The following SPOCK3 variants were observed in gnomAD, a reference collection of about 807,000 sequenced individuals.
SPOCK3 encodes the protein SPARC (osteonectin), cwcv and kazal like domains proteoglycan 3, also known as testican-3.
In SPOCK3, 30 loss-of-function variants were observed where a neutral mutation model predicts 56.6. The observed-to-expected ratio is 0.53, with a 90% CI of 0.40 to 0.72. SPOCK3 has a LOEUF of 0.72. SPOCK3 is among the 30% of genes least tolerant of loss of function. The pLI, the probability that SPOCK3 is intolerant of heterozygous loss-of-function variation, is 0.00. For missense variants in SPOCK3, 527 were observed against 530.0 expected, an observed-to-expected ratio of 0.99 and a Z score of 0.06; for synonymous variants, 196 against 183.3, an observed-to-expected ratio of 1.07 and a Z score of -0.56.
intron 2 of SPOCK3, among the ~76,000 whole-genome samples, chr4:167,162,608 C>G (rs1448307804): frequency 6.6e-6 from 1 of 152,038 alleles, no homozygotes; most frequent in Admixed American, 6.6e-5. Context: ...CGAAGGTATA[C>G]ATTATTACCT....
chr4:167,055,714 T>G (rs1198544054), intron 3 of SPOCK3, among the ~76,000 whole-genome samples: 1 of 152,162 alleles, frequency 6.6e-6, no homozygotes, highest in East Asian at 1.9e-4. Context: ...CACAGCAGTC[T>G]GAGATCAAAC....
chr4:166,928,903 G>A (rs1276156208), intron 4 of SPOCK3, among the ~76,000 whole-genome samples: 4 of 152,168 alleles, frequency 2.6e-5, no homozygotes, highest in Non-Finnish European at 5.9e-5. Flanking sequence ...AGGAGGCAGA[G>A]TTTGTAGTGA....
intron 2 of SPOCK3, among the ~76,000 whole-genome samples, chr4:167,152,165 C>T (rs1172795958): frequency 1.3e-5 from 2 of 152,122 alleles, no homozygotes; most frequent in Non-Finnish European, 2.9e-5. Flanking sequence ...TAACACCGTG[C>T]GTCCTAAAGT....
intron 4 of SPOCK3, among the ~76,000 whole-genome samples, chr4:166,950,361 G>A (rs901695956): frequency 9.9e-5 from 15 of 151,338 alleles, no homozygotes; most frequent in South Asian, 4.2e-4. Context: ...AATGGTAAAG[G>A]GATCAATTCA....
At chr4:167,112,027 T>C (rs1207783492) in intron 2 of SPOCK3, among the ~76,000 whole-genome samples, 1 of 152,120 alleles carries the variant, frequency 6.6e-6, no homozygotes, top group Non-Finnish European at 1.5e-5. Context: ...CCCAAAGTGC[T>C]GGGATTACAG....
chr4:166,981,331 G>GTCC (rs887819488), intron 4 of SPOCK3, among the ~76,000 whole-genome samples: 9 of 151,912 alleles, frequency 5.9e-5, no homozygotes, highest in Non-Finnish European at 1.5e-5. Flanking sequence ...CCCAACAAGT[G>GTCC]TCCAGCTCTC....
intron 2 of SPOCK3, among the ~76,000 whole-genome samples, chr4:167,135,205 T>C (rs1763012921): frequency 1.3e-5 from 2 of 151,812 alleles, no homozygotes; most frequent in African/African-American, 2.4e-5. Flanking sequence ...GAAAAGACCA[T>C]TTGTCTTGTC....
intron 6 of SPOCK3, among the ~76,000 whole-genome samples, chr4:166,880,655 A>T (rs1055676670): frequency 6.6e-6 from 1 of 152,150 alleles, no homozygotes; most frequent in Non-Finnish European, 1.5e-5. Flanking sequence ...TCTCGGTTTT[A>T]TCACCATAAT....
At chr4:166,747,587 C>T (rs190324293) in intron 8 of SPOCK3, among the ~76,000 whole-genome samples, 25 of 152,256 alleles carry the variant, frequency 1.6e-4, no homozygotes, top group Admixed American at 1.2e-3. Context: ...GACAGGGATG[C>T]CTTCTCTCAC....
intron 4 of SPOCK3, among the ~76,000 whole-genome samples, chr4:166,998,513 A>G (rs1296478222): frequency 6.6e-6 from 1 of 152,150 alleles, no homozygotes; most frequent in Non-Finnish European, 1.5e-5. Context: ...ATCAGTACAG[A>G]TTAGAATTGA....
chr4:166,895,565 C>T lies in SPOCK3; in HGVS notation c.475-6321G>A, dbSNP rs541284693. 2.0e-5 allele frequency among the ~76,000 whole-genome samples: 3 copies of T among 152,230 alleles called. No homozygotes were observed. The South Asian group carries it at 6.2e-4, about 32-fold the overall frequency. On this transcript the variant is annotated intron_variant, in intron 5 of 10. Transcript: ENST00000357545. ...CAATGGTTACCCAAACATAAAAATA[C>T]TGAAGTGTGATAGCTTGTACATACA...
intron 2 of SPOCK3, among the ~76,000 whole-genome samples, chr4:167,078,045 C>T (rs991788067): frequency 1.3e-5 from 2 of 151,840 alleles, no homozygotes; most frequent in African/African-American, 4.8e-5. Flanking sequence ...ATGGTAGCAA[C>T]ATAATGTAGC....
chr4:166,865,713 C>A (rs1190454694), intron 6 of SPOCK3, among the ~76,000 whole-genome samples: 1 of 152,078 alleles, frequency 6.6e-6, no homozygotes, highest in African/African-American at 2.4e-5. Flanking sequence ...CCTAGGAATA[C>A]AACTTACAAG....
chr4:166,894,844 A>AT (rs1433696011), intron 5 of SPOCK3, among the ~76,000 whole-genome samples: 1 of 152,112 alleles, frequency 6.6e-6, no homozygotes, highest in East Asian at 1.9e-4. Flanking sequence ...CGAATATTTT[A>AT]TTTTTCTCCC....
rs556807735 is a variant in SPOCK3, at chr4:167,192,731, T to C, written c.189+41254A>G. Among the ~76,000 whole-genome samples the C allele has an allele frequency of 2.1e-4, 31 of 145,848 alleles. 8 individuals carry two copies. The highest frequency in any genetic ancestry group is 8.1e-4 in the African/African-American group (31 of 38,290). On this transcript the variant is annotated intron_variant, in intron 2 of 10. Transcript: ENST00000357545. ...AAATTATTTTTTTTCGACGTAGGTATTTATCACTATAAGCTTTCCTCTTTG... is the reference window on the plus strand; with the variant it reads ...AAATTATTTTTTTTCGACGTAGGTACTTATCACTATAAGCTTTCCTCTTTG...
chr4:166,772,445 C>T (rs1739055467), intron 7 of SPOCK3, among the ~76,000 whole-genome samples: 1 of 151,966 alleles, frequency 6.6e-6, no homozygotes, highest in South Asian at 2.1e-4. Context: ...TGTCCAATTT[C>T]CAGGAGCATA....
intron 2 of SPOCK3, among the ~76,000 whole-genome samples, chr4:167,120,861 A>G (rs1262172283): frequency 1.3e-5 from 2 of 152,032 alleles, no homozygotes; most frequent in Admixed American, 1.3e-4. Flanking sequence ...TTAAAGATCT[A>G]TTCTTCCCAA....
At chr4:167,088,960 G>T (rs1038845105) in intron 2 of SPOCK3, among the ~76,000 whole-genome samples, 2 of 152,002 alleles carry the variant, frequency 1.3e-5, no homozygotes, top group East Asian at 3.9e-4. Flanking sequence ...CTTCATCATA[G>T]ATGTGGTTAT....
At position 167,226,485 on chromosome 4, in the gene SPOCK3, CTG is replaced by C. The variant is rs1201289841; in HGVS notation, c.189+7498_189+7499del. 2.6e-5 allele frequency among the ~76,000 whole-genome samples: 4 copies of C among 152,220 alleles called. No homozygotes were observed. The East Asian group carries it at 7.7e-4, about 29-fold the overall frequency. Reference sequence around the variant, plus strand: ...CCATCAGAGGACACGGGGATGGAGACTGAGAATATTTTCAATAGATATTTAGA... The same window carrying C: ...CCATCAGAGGACACGGGGATGGAGACAGAATATTTTCAATAGATATTTAGA... On this transcript the variant is annotated intron_variant, in intron 2 of 10. Transcript: ENST00000357545.
Sources: gnomAD v4.1 joint callset for allele counts (sites outside exome capture counted in the v4.1 genomes callset) on GRCh38, gnomAD v4.1.1 for gene constraint, MANE v1.5 for transcripts, NCBI Gene and HGNC (gene_info 2026-07-23, HGNC 2026-07-21) for gene names.